The following APLP1 variants were observed in gnomAD, a reference collection of about 807,000 sequenced individuals.
The protein encoded by APLP1 is amyloid beta precursor like protein 1, also known as amyloid beta (A4) precursor-like protein 1.
Under a neutral mutation model 84.5 loss-of-function variants are expected in APLP1, and 46 were observed. The observed-to-expected ratio is 0.54, with a 90% CI of 0.43 to 0.70. The LOEUF is 0.70. Among genes scored for constraint, APLP1 ranks in the 30% least tolerant of loss-of-function variants. The probability of loss-of-function intolerance (pLI) is 0.00; values close to 1 mark genes in which losing one functional copy is unlikely to be tolerated. For synonymous variants in APLP1, 376 were observed against 364.0 expected (o/e 1.03, Z -0.38); for missense variants, 826 against 900.2 (o/e 0.92, Z 1.05).
In APLP1 at chr19:35,874,545, T is replaced by A. The variant is rs200399471; in HGVS notation, c.1098T>A (p.Ser366=). 6.2e-7 allele frequency: 1 copy of A among 1,614,170 alleles called. No individual in the cohort carries two copies. The highest frequency in any genetic ancestry group is 2.2e-5 in the East Asian group (1 of 44,884). ...SILQTLEEQV[S]GERQRLVETH... ...TGCAGACTCTGGAGGAGCAGGTGTCTGGTGAGCGACAGCGCCTGGTGGAAA... is the reference window on the plus strand; with the variant it reads ...TGCAGACTCTGGAGGAGCAGGTGTCAGGTGAGCGACAGCGCCTGGTGGAAA... Residue 366 remains serine, a synonymous_variant, in exon 9 of 17, where the codon TCT becomes TCA. Coordinates refer to ENST00000221891, the MANE Select transcript of APLP1 (RefSeq NM_001024807.3). This position sits in a 1 kb window ranked among gnomAD's most constrained non-coding sequence, Gnocchi z 6.4.
chr19:35,877,711 C>G lies in APLP1; in HGVS notation c.1445-7C>G. On this transcript the variant is annotated splice_region_variant and splice_polypyrimidine_tract_variant and intron_variant, in intron 11 of 16. Coordinates refer to ENST00000221891, the MANE Select transcript of APLP1 (RefSeq NM_001024807.3). ...ACCTCAGCCACCTTTCTGCATGTCC[C>G]CCTCAGAGGAACTCCTCCACTCTGA... 6.2e-7 allele frequency: 1 copy of G among 1,607,678 alleles called. No individual in the cohort carries two copies. The highest frequency in any genetic ancestry group is 2.2e-5 in the East Asian group (1 of 44,794).
chr19:35,873,200 G>A (rs1322763396), intron 7 of APLP1, among the ~76,000 whole-genome samples: 2 of 150,240 alleles, frequency 1.3e-5, no homozygotes, highest in African/African-American at 2.4e-5. Flanking sequence ...TCCCTCTTGG[G>A]AACCCAGGAG....
At chr19:35,872,355 A>T in intron 6 of APLP1, 128 bp from the exon 7 acceptor site, 1 of 1,292,220 alleles carries the variant, frequency 7.7e-7, no homozygotes, top group Non-Finnish European at 1.1e-6. Context: ...CCATAATGCC[A>T]GGCAGCAGCG....
intron 7 of APLP1, 46 bp downstream of exon 7, chr19:35,872,659 C>T: frequency 6.4e-7 from 1 of 1,569,390 alleles, no homozygotes; most frequent in Middle Eastern, 1.7e-4. Context: ...ACAGAGCTCC[C>T]TAAATACCAG....
chr19:35,879,161 A>C lies in APLP1; in HGVS notation c.1801A>C (p.Met601Leu), dbSNP rs1974354576. The change falls in exon 16 of 17, where the codon ATG (methionine) becomes CTG (leucine). Residue 601 changes from methionine to leucine, a missense_variant. Around this residue, in one of 3 missense-constraint regions of APLP1, gnomAD observed 433 missense variants for 496.5 expected, o/e 0.87. Transcript: ENST00000221891. Reference sequence around the variant, plus strand: ...CGGAGGCTCCCTCATCGTCCTCTCCATGCTGCTCCTGCGCAGGAAGAAGCC... The same window carrying C: ...CGGAGGCTCCCTCATCGTCCTCTCCCTGCTGCTCCTGCGCAGGAAGAAGCC... ...AGGGSLIVLSMLLLRRKKPYG... is the reference protein window; with the variant it reads ...AGGGSLIVLSLLLLRRKKPYG... 3 of 1,612,784 alleles carry C rather than the reference A, an allele frequency of 1.9e-6. No homozygotes were observed. Among genetic ancestry groups the C allele is most frequent in the African/African-American group, 1.3e-5 (1 of 74,920 alleles).
chr19:35,873,456 C>T (rs185430456), intron 7 of APLP1, among the ~76,000 whole-genome samples, 183 bp from the exon 8 acceptor site: 1 of 151,610 alleles, frequency 6.6e-6, no homozygotes, highest in Non-Finnish European at 1.5e-5. Context: ...ACCATGTTAG[C>T]CAGGATGGCC....
chr19:35,879,425 T>A lies in APLP1; in HGVS notation c.1940T>A (p.Leu647Gln). Residue 647 changes from leucine to glutamine, a missense_variant, in exon 17 of 17, where the codon CTG (leucine) becomes CAG (glutamine). This residue lies in a region of APLP1 where 433 missense variants were observed against 496.5 expected (regional missense o/e 0.87). Coordinates refer to ENST00000221891, the MANE Select transcript of APLP1 (RefSeq NM_001024807.3). ...HGYENPTYRF[L>Q]EERP ...TATGAGAACCCCACTTACCGCTTCC[T>A]GGAGGAACGACCCTGACCCGGCCCC... is the stretch of plus-strand genomic sequence containing the variant. The A allele has an allele frequency of 6.2e-7, 1 of 1,613,354 alleles. No individual in the cohort carries two copies. Among genetic ancestry groups the A allele is most frequent in the Non-Finnish European group, 8.5e-7 (1 of 1,179,988 alleles).
chr19:35,870,843 G>A (rs1974124114), intron 2 of APLP1, 53 bp from the exon 3 acceptor site: 1 of 1,568,616 alleles, frequency 6.4e-7, no homozygotes, highest in Non-Finnish European at 8.6e-7. Context: ...CTGGAGAGGG[G>A]TGGCTGGCAG....
chr19:35,869,539 T>C (rs1439398145), intron 1 of APLP1, 128 bp from the exon 2 acceptor site: 3 of 1,305,612 alleles, frequency 2.3e-6, no homozygotes, highest in East Asian at 5.2e-5. Flanking sequence ...GGTGCCTCCA[T>C]GGAGGCGGTG....
At chr19:35,871,488 C>T (rs1047053483) in intron 4 of APLP1, 124 bp from the exon 5 acceptor site, 2 of 1,407,898 alleles carry the variant, frequency 1.4e-6, no homozygotes, top group Admixed American at 1.8e-5. Flanking sequence ...CATCCCCCAA[C>T]CCCTTCCTCT....
intron 14 of APLP1, 88 bp downstream of exon 14, chr19:35,878,742 G>A: frequency 6.4e-7 from 1 of 1,554,950 alleles, no homozygotes. Context: ...CTGGGGGCTT[G>A]GATTCCTTGT....
At chr19:35,876,380 C>T in intron 10 of APLP1, 137 bp from the exon 11 acceptor site, 1 of 734,580 alleles carries the variant, frequency 1.4e-6, no homozygotes, top group South Asian at 1.6e-5. Context: ...CAGTTCCTAA[C>T]CCTTGTACCA....
chr19:35,871,035 C>A lies in APLP1; in HGVS notation c.424+7C>A. 6.6e-7 allele frequency: 1 copy of A among 1,519,152 alleles called. No individual in the cohort carries two copies. The highest frequency in any genetic ancestry group is 8.8e-7 in the Non-Finnish European group (1 of 1,132,398). 94.1% of individuals were successfully genotyped at this position (1,519,152 alleles called of 1,614,324 possible). A position where few individuals can be genotyped will look rare whatever the true frequency, so the allele number is the denominator to read the frequency against. On this transcript the variant is annotated splice_region_variant and intron_variant, in intron 3 of 16. Coordinates refer to ENST00000221891, the MANE Select transcript of APLP1 (RefSeq NM_001024807.3). Reference sequence around the variant, plus strand: ...GTGCCCTTCCGCTGCCTGCGTGAGTCCCAGGCGGGGAGAGGGGAACTGAGG... The same window carrying A: ...GTGCCCTTCCGCTGCCTGCGTGAGTACCAGGCGGGGAGAGGGGAACTGAGG...
chr19:35,873,564 T>G (rs1184528536), intron 7 of APLP1, 75 bp from the exon 8 acceptor site: 13 of 1,491,724 alleles, frequency 8.7e-6, no homozygotes, highest in Non-Finnish European at 9.3e-7. Context: ...TTCTAAAATC[T>G]TAAAGAGGGG....
chr19:35,878,973 G>A, intron 15 of APLP1, 21 bp downstream of exon 15: 2 of 1,614,010 alleles, frequency 1.2e-6, no homozygotes, highest in Non-Finnish European at 1.7e-6. Flanking sequence ...GAACAGCCGG[G>A]TACCTAGGGG....
At chr19:35,869,133 T>G in intron 1 of APLP1, 1 of 297,264 alleles carries the variant, frequency 3.4e-6, no homozygotes. Context: ...AGACCCCTTG[T>G]ATTCTCTGGA....
intron 2 of APLP1, chr19:35,870,060 G>A (rs928266848): frequency 7.3e-6 from 4 of 550,170 alleles, no homozygotes; most frequent in African/African-American, 2.0e-5. Flanking sequence ...AGAGGTGTAG[G>A]GGGGAGTGGC....
chr19:35,875,328 AT>A (rs35284323), intron 10 of APLP1, among the ~76,000 whole-genome samples: 473 of 133,054 alleles, frequency 3.6e-3, no homozygotes, highest in Middle Eastern at 7.8e-3. Context: ...CACTGGGCTA[AT>A]TTTTTTTTTT....
At chr19:35,869,339 C>T (rs1974078998) in intron 1 of APLP1, 1 of 552,752 alleles carries the variant, frequency 1.8e-6, no homozygotes, top group South Asian at 2.4e-5. Flanking sequence ...GGGGCCAGAA[C>T]TCCTGGGTTC....
Sources: allele counts gnomAD v4.1 joint callset (sites outside exome capture counted in the v4.1 genomes callset), GRCh38; gene constraint gnomAD v4.1.1; regional missense constraint gnomAD v4.1.1; non-coding constraint Gnocchi (gnomAD v3.1); transcripts MANE v1.5; gene names NCBI Gene and HGNC (gene_info 2026-07-23, HGNC 2026-07-21).